Variants in NRF1 observed in about 807,000 individuals in gnomAD.
The protein encoded by NRF1 is nuclear respiratory factor 1.
NRF1 carries 5 observed loss-of-function variants against 58.5 expected under a neutral mutation model. The ratio of observed to expected loss-of-function variants is 0.09; its 90% CI spans 0.04 to 0.18. NRF1 has a LOEUF of 0.18. NRF1 is among the 10% of genes least tolerant of loss of function. NRF1 has a pLI of 1.00. For synonymous variants in NRF1, 224 were observed against 246.7 expected (o/e 0.91, Z 0.86); for missense variants, 288 against 657.7 (o/e 0.44, Z 6.15).
At chr7:129,709,568 G>A (rs1803023587) in intron 6 of NRF1, among the ~76,000 whole-genome samples, 1 of 151,998 alleles carries the variant, frequency 6.6e-6, no homozygotes, top group African/African-American at 2.4e-5. Context: ...TTTTATTTCT[G>A]GTTACTAAAA....
intron 9 of NRF1, among the ~76,000 whole-genome samples, chr7:129,721,110 A>G (rs1803312130): frequency 1.3e-5 from 2 of 152,164 alleles, no homozygotes; most frequent in Admixed American, 1.3e-4. Flanking sequence ...TTTACTTGTG[A>G]TACAGTGATT....
At chr7:129,631,599 G>C (rs142185280) in intron 1 of NRF1, among the ~76,000 whole-genome samples, 2 of 152,068 alleles carry the variant, frequency 1.3e-5, no homozygotes, top group Admixed American at 6.5e-5. Flanking sequence ...AGCCTATTCA[G>C]TGTTTCCTTG....
chr7:129,748,867 A>T (rs375882468), intron 10 of NRF1, among the ~76,000 whole-genome samples: 1 of 152,254 alleles, frequency 6.6e-6, no homozygotes, highest in East Asian at 1.9e-4. Flanking sequence ...ATTTCATTAC[A>T]CAATAGGCAA....
At chr7:129,739,541 TAAA>T (rs56277880) in intron 10 of NRF1, among the ~76,000 whole-genome samples, 1 of 144,950 alleles carries the variant, frequency 6.9e-6, no homozygotes, top group African/African-American at 2.6e-5. Context: ...GCTTTGCTTT[TAAA>T]AAAAAAAAAA....
intron 10 of NRF1, among the ~76,000 whole-genome samples, chr7:129,753,855 A>C (rs1207254703): frequency 1.3e-5 from 2 of 152,228 alleles, no homozygotes; most frequent in African/African-American, 4.8e-5. Flanking sequence ...ACTATGAAGG[A>C]AGGCACATAG....
intron 1 of NRF1, among the ~76,000 whole-genome samples, chr7:129,621,505 C>G (rs1367024708): frequency 6.6e-6 from 1 of 152,082 alleles, no homozygotes; most frequent in Non-Finnish European, 1.5e-5. Context: ...TTCTTTCTTT[C>G]ATTAAACAAT....
At chr7:129,611,993 C>T (rs1476457990) in intron 1 of NRF1, among the ~76,000 whole-genome samples, 169 bp downstream of exon 1, 1 of 148,928 alleles carries the variant, frequency 6.7e-6, no homozygotes, top group African/African-American at 2.4e-5. Flanking sequence ...GGCCCCGGCC[C>T]GGCCCAGCCA....
chr7:129,721,138 C>A (rs902488180), intron 9 of NRF1, among the ~76,000 whole-genome samples: 2 of 152,072 alleles, frequency 1.3e-5, no homozygotes. Context: ...ACTTTCAGTT[C>A]TTTGGTTAAG....
intron 5 of NRF1, among the ~76,000 whole-genome samples, chr7:129,694,235 C>G (rs1349259673): frequency 6.6e-6 from 1 of 152,048 alleles, no homozygotes; most frequent in Non-Finnish European, 1.5e-5. Context: ...GATGAAAAAC[C>G]CAGCTCCCAA....
intron 1 of NRF1, among the ~76,000 whole-genome samples, chr7:129,615,694 T>C (rs1800645144): frequency 6.6e-6 from 1 of 152,204 alleles, no homozygotes; most frequent in Non-Finnish European, 1.5e-5. Context: ...AAGTCCAATG[T>C]TTTTTGAGTC....
intron 1 of NRF1, among the ~76,000 whole-genome samples, chr7:129,653,569 A>C (rs1403930703): frequency 1.3e-5 from 2 of 152,232 alleles, no homozygotes; most frequent in African/African-American, 4.8e-5. Context: ...ACAAATGTAT[A>C]ACCCATATCC....
intron 9 of NRF1, among the ~76,000 whole-genome samples, chr7:129,718,272 T>G (rs943004914): frequency 2.6e-5 from 4 of 152,182 alleles, no homozygotes; most frequent in Non-Finnish European, 5.9e-5. Context: ...ACTACTTGGG[T>G]TTGAAGCCCA....
At chr7:129,631,364 C>T (rs1312288541) in intron 1 of NRF1, among the ~76,000 whole-genome samples, 2 of 151,996 alleles carry the variant, frequency 1.3e-5, no homozygotes, top group African/African-American at 4.8e-5. Flanking sequence ...GGATCACAAG[C>T]GTGCGCCACC....
At chr7:129,646,810 A>G (rs1801415085) in intron 1 of NRF1, among the ~76,000 whole-genome samples, 4 of 152,216 alleles carry the variant, frequency 2.6e-5, no homozygotes, top group Admixed American at 2.6e-4. Flanking sequence ...TGCAACTCTG[A>G]CAAGAATAGA....
intron 1 of NRF1, among the ~76,000 whole-genome samples, chr7:129,639,329 C>A (rs1274136885): frequency 6.6e-6 from 1 of 152,050 alleles, no homozygotes; most frequent in Non-Finnish European, 1.5e-5. Context: ...TTGACTCTTC[C>A]ATATATACTT....
intron 10 of NRF1, among the ~76,000 whole-genome samples, chr7:129,729,543 A>C (rs373818831): frequency 4.0e-4 from 61 of 152,246 alleles, no homozygotes; most frequent in Non-Finnish European, 6.9e-4. Context: ...TTCTGTATCA[A>C]ATCAGACCCT....
Position 129,657,471 on chromosome 7 carries a change from T to C in NRF1, c.120T>C (p.Ala40=), listed in dbSNP as rs374141999. The change falls in exon 2 of 11, where the codon GCT becomes GCC. Residue 40 remains alanine, a synonymous_variant. Transcript: ENST00000393232. ...ACACCGAGCATAGTATGCTGAGTGC[T>C]GATGAAGACTCGCCTTCTTCTCCCG... ...ATYTEHSMLS[A]DEDSPSSPED... 2.5e-6 allele frequency: 4 copies of C among 1,614,142 alleles called. No individual in the cohort carries two copies. Among genetic ancestry groups the C allele is most frequent in the Non-Finnish European group, 3.4e-6 (4 of 1,180,022 alleles).
At chr7:129,676,658 A>G (rs1445920484) in intron 3 of NRF1, among the ~76,000 whole-genome samples, 4 of 152,226 alleles carry the variant, frequency 2.6e-5, no homozygotes, top group African/African-American at 9.6e-5. Context: ...GATTATAATA[A>G]TGAAGAAGTT....
intron 5 of NRF1, among the ~76,000 whole-genome samples, chr7:129,706,709 G>C (rs944922475): frequency 7.9e-5 from 12 of 152,172 alleles, no homozygotes; most frequent in Non-Finnish European, 1.8e-4. Context: ...CCTGGTGGGA[G>C]AGCCGAAGGA....
Sources: gnomAD v4.1 joint callset for allele counts (sites outside exome capture counted in the v4.1 genomes callset) on GRCh38, gnomAD v4.1.1 for gene constraint, MANE v1.5 for transcripts, NCBI Gene and HGNC (gene_info 2026-07-23, HGNC 2026-07-21) for gene names.